The following RICTOR variants were observed in gnomAD, a reference collection of about 807,000 sequenced individuals.
RICTOR encodes rapamycin-insensitive companion of mTOR.
Under a neutral mutation model 214.9 loss-of-function variants are expected in RICTOR, and 49 were observed. The observed-to-expected ratio is 0.23, with a 90% CI of 0.18 to 0.29. The LOEUF is 0.29. Ranked by LOEUF, RICTOR falls within the 10% of genes least tolerant of loss-of-function variation. The pLI is 1.00. For missense variants in RICTOR, 1,625 were observed against 2,047.0 expected, an observed-to-expected ratio of 0.79 and a Z score of 3.98; for synonymous variants, 717 against 711.3, an observed-to-expected ratio of 1.01 and a Z score of -0.13.
intron 2 of RICTOR, among the ~76,000 whole-genome samples, chr5:39,038,453 T>C (rs919317076): frequency 4.6e-5 from 7 of 152,162 alleles, no homozygotes; most frequent in African/African-American, 1.7e-4. Context: ...CAACATAGTG[T>C]TGGAAGTTCT....
intron 3 of RICTOR, among the ~76,000 whole-genome samples, chr5:39,012,246 T>C (rs1378147223): frequency 6.6e-6 from 1 of 152,140 alleles, no homozygotes; most frequent in Middle Eastern, 3.2e-3. Flanking sequence ...GAACTATCAG[T>C]GGTTTTATAA....
Position 38,940,085 on chromosome 5 carries a change from A to G in RICTOR, c.*2219T>C, listed in dbSNP as rs1747375503. 4.6e-6 allele frequency: 1 copy of G among 215,280 alleles called. No individual in the cohort carries two copies. 13.3% of individuals were successfully genotyped at this position (215,280 alleles called of 1,614,324 possible). On this transcript the variant is annotated 3_prime_UTR_variant, in exon 38 of 38. Transcript: ENST00000357387. The stretch of plus-strand genomic sequence containing the variant: ...AGTATCTCCCCAAAGTAAGTGATAT[A>G]GGCAGATATGATAAGGTATACATAC...
rs889759605 is a variant in RICTOR, at chr5:38,958,352, G to A, written c.2420+91C>T. 32 of 812,774 alleles carry A rather than the reference G, an allele frequency of 3.9e-5. 1 individual carries two copies. The highest frequency in any genetic ancestry group is 1.7e-4 in the South Asian group (12 of 68,800). The allele number at this position is 812,774 out of a possible 1,614,324, so 50.3% of individuals were successfully genotyped here. On this transcript the variant is annotated intron_variant, in intron 24 of 37. Coordinates refer to ENST00000357387, the MANE Select transcript of RICTOR (RefSeq NM_152756.5). The stretch of plus-strand genomic sequence containing the variant: ...AATATTAAAAGGTAAACTCTTCAGC[G>A]TACTTCCCATTTGGATTTGAATCTA...
At chr5:38,979,561 ATTAAT>A (rs1035400096) in intron 8 of RICTOR, among the ~76,000 whole-genome samples, 1 of 152,102 alleles carries the variant, frequency 6.6e-6, no homozygotes, top group African/African-American at 2.4e-5. Context: ...AATCATATTT[ATTAAT>A]TTATACAGTT....
intron 2 of RICTOR, among the ~76,000 whole-genome samples, chr5:39,051,141 T>A (rs1206410176): frequency 2.0e-5 from 3 of 151,916 alleles, no homozygotes; most frequent in Non-Finnish European, 4.4e-5. Context: ...AACTTACATA[T>A]AAGCAGCAGG....
chr5:39,010,012 C>T (rs1321129052), intron 3 of RICTOR, among the ~76,000 whole-genome samples: 1 of 152,156 alleles, frequency 6.6e-6, no homozygotes, highest in Non-Finnish European at 1.5e-5. Flanking sequence ...TCTGTGTCCC[C>T]ACCAAAATCT....
intron 25 of RICTOR, among the ~76,000 whole-genome samples, chr5:38,956,572 G>C (rs1360844649): frequency 6.6e-6 from 1 of 151,942 alleles, no homozygotes; most frequent in East Asian, 1.9e-4. Flanking sequence ...TACTCCTCAA[G>C]ACCATTTCAA....
intron 6 of RICTOR, among the ~76,000 whole-genome samples, chr5:38,994,746 T>G (rs539990090): frequency 6.6e-6 from 1 of 152,170 alleles, no homozygotes; most frequent in African/African-American, 2.4e-5. Flanking sequence ...TACTTTAAAT[T>G]AAATTTTAAC....
intron 11 of RICTOR, among the ~76,000 whole-genome samples, chr5:38,969,032 C>T (rs1375132421): frequency 6.9e-6 from 1 of 144,438 alleles, no homozygotes; most frequent in Non-Finnish European, 1.5e-5. Context: ...GGCAGTGGCA[C>T]AATCTCGGCT....
intron 2 of RICTOR, among the ~76,000 whole-genome samples, chr5:39,057,713 A>C (rs562663629): frequency 6.6e-6 from 1 of 152,274 alleles, no homozygotes; most frequent in South Asian, 2.1e-4. Context: ...AAATCTGCTC[A>C]GTGAACTTTT....
At chr5:39,037,243 G>A (rs954638762) in intron 2 of RICTOR, among the ~76,000 whole-genome samples, 2 of 152,130 alleles carry the variant, frequency 1.3e-5, no homozygotes, top group African/African-American at 4.8e-5. Flanking sequence ...AATGAAGGCA[G>A]AAATAAAGAC....
Position 38,944,510 on chromosome 5 carries a change from G to T in RICTOR, c.4849C>A (p.Leu1617Ile), listed in dbSNP as rs777123686. Residue 1617 changes from leucine to isoleucine, a missense_variant, in exon 36 of 38, where the codon CTA (leucine) becomes ATA (isoleucine). By Grantham distance (5) the Leu-to-Ile change is conservative. This residue lies in a region of RICTOR where 44 missense variants were observed against 90.1 expected (regional missense o/e 0.49). Transcript: ENST00000357387. ...MCRILLRKEV[L>I]RLVINLSSSV... ...CTACTCAAATTAATGACTAATCTTA[G>T]AACTTCTTTGCGAAGGAGTATACGG... 1 of 1,612,176 alleles carries T rather than the reference G, an allele frequency of 6.2e-7. No individual in the cohort carries two copies. The highest frequency in any genetic ancestry group is 1.1e-5 in the South Asian group (1 of 90,816).
chr5:38,993,226 A>T (rs192580964), intron 6 of RICTOR, among the ~76,000 whole-genome samples: 1 of 152,328 alleles, frequency 6.6e-6, no homozygotes, highest in East Asian at 1.9e-4. Context: ...CTTGCTATGT[A>T]TCAAGGGCAT....
At chr5:38,970,450 T>C (rs886937037) in intron 11 of RICTOR, 2 of 152,212 alleles carry the variant, frequency 1.3e-5, no homozygotes, top group African/African-American at 4.8e-5. Flanking sequence ...CCAAAGACCA[T>C]GTTCTTTTTC....
chr5:38,979,188 C>A (rs151224283), intron 8 of RICTOR, among the ~76,000 whole-genome samples: 5 of 152,234 alleles, frequency 3.3e-5, no homozygotes, highest in Non-Finnish European at 5.9e-5. Flanking sequence ...CTCTACTGTG[C>A]AGACTAAGGT....
intron 33 of RICTOR, among the ~76,000 whole-genome samples, chr5:38,946,100 A>G (rs892393487): frequency 6.6e-6 from 1 of 152,190 alleles, no homozygotes; most frequent in Non-Finnish European, 1.5e-5. Flanking sequence ...AACAGTTCAA[A>G]ACAAAGACCG....
At chr5:38,973,623 C>T (rs1367392804) in intron 10 of RICTOR, among the ~76,000 whole-genome samples, 1 of 152,168 alleles carries the variant, frequency 6.6e-6, no homozygotes, top group Non-Finnish European at 1.5e-5. Context: ...TATGAACAGT[C>T]TCTATGTTCT....
At chr5:39,020,245 G>A (rs908135412) in intron 3 of RICTOR, among the ~76,000 whole-genome samples, 1 of 152,158 alleles carries the variant, frequency 6.6e-6, no homozygotes, top group Admixed American at 6.5e-5. Flanking sequence ...TGATGCAGCA[G>A]TGGCAGGGTT....
At chr5:38,996,964 A>ATTT in intron 5 of RICTOR, 82 bp from the exon 6 acceptor site, 1 of 866,370 alleles carries the variant, frequency 1.2e-6, no homozygotes, top group Admixed American at 1.8e-5. Flanking sequence ...GATGAAACCC[A>ATTT]TTTTCACAAT....
Sources: gnomAD v4.1 joint callset for allele counts (sites outside exome capture counted in the v4.1 genomes callset) on GRCh38, gnomAD v4.1.1 for gene constraint, gnomAD v4.1.1 regional missense constraint, MANE v1.5 for transcripts, NCBI Gene and HGNC (gene_info 2026-07-23, HGNC 2026-07-21) for gene names.